The following PDLIM2 variants were observed in gnomAD, a reference collection of about 807,000 sequenced individuals.
PDLIM2 encodes the protein PDZ and LIM domain protein 2.
Under a neutral mutation model 54.1 loss-of-function variants are expected in PDLIM2, and 51 were observed. The ratio of observed to expected loss-of-function variants is 0.94; its 90% CI spans 0.75 to 1.19. The LOEUF is 1.19. Ranked by LOEUF, PDLIM2 falls within the 50% of genes most tolerant of loss-of-function variation. PDLIM2 has a pLI of 0.00. For missense variants in PDLIM2, 912 were observed against 874.0 expected, an observed-to-expected ratio of 1.04 and a Z score of -0.55; for synonymous variants, 398 against 385.6, an observed-to-expected ratio of 1.03 and a Z score of -0.38.
At chr8:22,590,053 A>T (rs1800498143) in intron 8 of PDLIM2, 1 of 382,398 alleles carries the variant, frequency 2.6e-6, no homozygotes, top group African/African-American at 2.1e-5. Context: ...GGCTTCTTGG[A>T]GGAAGAGGGA....
chr8:22,581,610 C>G lies in PDLIM2; in HGVS notation c.995+80C>G, dbSNP rs1017494980. 83 of 1,476,508 alleles carry G rather than the reference C, an allele frequency of 5.6e-5. 1 individual carries two copies. The Middle Eastern group carries it at 1.7e-3, about 31-fold the overall frequency. The allele number at this position is 1,476,508 out of a possible 1,614,324, so 91.5% of individuals were successfully genotyped here. A position where few individuals can be genotyped will look rare whatever the true frequency, so the allele number is the denominator to read the frequency against. ...CGTATTGAGCAGCCCTTGCTCCTGC[C>G]CATGGGCTAGAGCTCAGCCCTAAAG... is the stretch of plus-strand genomic sequence containing the variant. On this transcript the variant is annotated intron_variant, in intron 3 of 9. Transcript: ENST00000308354.
At chr8:22,579,242 C>A in exon 1 of PDLIM2, 3 of 1,361,572 alleles carry the variant, frequency 2.2e-6, no homozygotes, top group Non-Finnish European at 2.8e-6. Flanking sequence ...CGCCCACCTG[C>A]GCCTCTCCGC....
chr8:22,584,963 G>A, intron 4 of PDLIM2, 54 bp from the exon 4 acceptor site: 1 of 1,613,586 alleles, frequency 6.2e-7, no homozygotes, highest in Non-Finnish European at 8.5e-7. Context: ...CCGAGGGCAG[G>A]GCGGCCTTGG....
chr8:22,583,004 G>C lies in PDLIM2; in HGVS notation c.995+1474G>C, dbSNP rs574260054. Among the ~76,000 whole-genome samples, 601 of 150,188 alleles carry C rather than the reference G, an allele frequency of 4.0e-3. 4 individuals are homozygous for C. The highest frequency in any genetic ancestry group is 0.014 in the African/African-American group (553 of 40,782). ...GGGCAGGAAGCAGGGCTCCAGGCTG[G>C]AGCCAGAGACTGAGCTCTCCTCACC... is the stretch of plus-strand genomic sequence containing the variant. On this transcript the variant is annotated intron_variant, in intron 3 of 9. Transcript: ENST00000308354.
At chr8:22,589,936 T>A in intron 8 of PDLIM2, 195 bp downstream of exon 7, 1 of 638,920 alleles carries the variant, frequency 1.6e-6, no homozygotes, top group Non-Finnish European at 2.6e-6. Context: ...TCCGGGAGGG[T>A]CACCAGCGTG....
chr8:22,593,669 CT>C (rs1255982723), intron 9 of PDLIM2, 63 bp from the exon 9 acceptor site: 18 of 1,453,142 alleles, frequency 1.2e-5, no homozygotes, highest in Non-Finnish European at 1.6e-5. Context: ...ACCAGGCCCC[CT>C]GGGCATGGTG....
At chr8:22,581,314 CA>C (rs1219403128) in intron 2 of PDLIM2, 64 bp from the exon 2 acceptor site, 2 of 1,530,470 alleles carry the variant, frequency 1.3e-6, no homozygotes, top group African/African-American at 2.7e-5. Context: ...TCTTGGGTAG[CA>C]GAGTGGGAAG....
At chr8:22,580,835 G>A (rs574868652) in intron 2 of PDLIM2, 138 bp downstream of exon 1, 30 of 989,468 alleles carry the variant, frequency 3.0e-5, no homozygotes, top group Non-Finnish European at 4.2e-5. Context: ...CTGGCTGTAA[G>A]GGAGCCGTGG....
chr8:22,581,448 G>A (rs1441830961), exon 3 of PDLIM2: 2 of 1,608,262 alleles, frequency 1.2e-6, no homozygotes, highest in Admixed American at 1.7e-5. Flanking sequence ...CATCAACGGG[G>A]AAAGCGCGGA....
chr8:22,593,577 CAAAAA>C (rs59345957), intron 9 of PDLIM2, 151 bp from the exon 9 acceptor site: 885 of 389,530 alleles, frequency 2.3e-3, no homozygotes, highest in African/African-American at 6.0e-3. Flanking sequence ...AACTCCATCT[CAAAAA>C]AAAAAAAAAA....
chr8:22,589,423 G>T (rs2117360933), intron 7 of PDLIM2, 49 bp downstream of exon 6: 2 of 1,531,762 alleles, frequency 1.3e-6, no homozygotes, highest in East Asian at 4.9e-5. Context: ...AAGGCTGGGA[G>T]GGGCAGGAGG....
chr8:22,579,003 G>A (rs1206552872), exon 1 of PDLIM2: 22 of 1,244,744 alleles, frequency 1.8e-5, no homozygotes, highest in Non-Finnish European at 2.2e-5. Flanking sequence ...GGCGGGCTCG[G>A]GCCAGGTGGC....
At chr8:22,594,721 A>G (rs1586932452), downstream of PDLIM2, 2 of 1,533,032 alleles carry the variant, frequency 1.3e-6, no homozygotes, top group Non-Finnish European at 1.7e-6. Flanking sequence ...ATCTACCGAC[A>G]CCTTCCACTT....
chr8:22,579,136 G>T, exon 1 of PDLIM2: 2 of 1,311,756 alleles, frequency 1.5e-6, no homozygotes, highest in Non-Finnish European at 1.9e-6. Context: ...CCCCAGAGTC[G>T]GGTAGACGGC....
downstream of PDLIM2, chr8:22,596,745 A>G (rs937780891): frequency 2.6e-5 from 4 of 152,226 alleles, no homozygotes; most frequent in Non-Finnish European, 5.9e-5. Flanking sequence ...AGACAGTCAT[A>G]ATGGCTAAGC....
chr8:22,585,232 C>G, intron 5 of PDLIM2, 70 bp downstream of exon 4: 4 of 1,603,244 alleles, frequency 2.5e-6, no homozygotes, highest in Non-Finnish European at 3.4e-6. Flanking sequence ...CTCTGAGTCT[C>G]AGGAGCTCTG....
chr8:22,581,471 T>C, exon 3 of PDLIM2: 1 of 1,606,488 alleles, frequency 6.2e-7, no homozygotes, highest in South Asian at 1.1e-5. Flanking sequence ...GCATGCTGCA[T>C]GCCGAGGCCC....
At position 22,584,883 on chromosome 8, in the gene PDLIM2, G is replaced by C. The variant is rs141075881; in HGVS notation, c.1058G>C (p.Arg353Pro). The change falls in exon 4 of 10, where the codon CGC becomes CCC. Residue 353 changes from arginine (R) to proline (P), a missense_variant. Transcript: ENST00000308354. The stretch of plus-strand genomic sequence containing the variant: ...AGCTCCTTGGAAGTGCTGGCGACTC[G>C]CTTCCAGGTAAGCTGGTGCCCTCCC... 2.3e-5 allele frequency: 37 copies of C among 1,613,996 alleles called. No homozygotes were observed. In the African/African-American group the frequency reaches 2.7e-4, roughly 12 times the overall value.
intron 9 of PDLIM2, chr8:22,592,077 C>CTTTTCTTTTCTTTTCTTTTTT (rs143613807): frequency 1.3e-4 from 12 of 95,198 alleles, no homozygotes; most frequent in African/African-American, 5.8e-4. Context: ...TCTTTCTTTT[C>CTTTTCTTTTCTTTTCTTTTTT]TTTTTTTTTT....
Sources: allele counts gnomAD v4.1 joint callset (sites outside exome capture counted in the v4.1 genomes callset), GRCh38; gene constraint gnomAD v4.1.1; transcripts MANE v1.5; gene names NCBI Gene and HGNC (gene_info 2026-07-23, HGNC 2026-07-21).